The following RABGAP1L variants were observed in gnomAD, a reference collection of about 807,000 sequenced individuals.
RABGAP1L encodes rab GTPase-activating protein 1-like.
Under a neutral mutation model 137.7 loss-of-function variants are expected in RABGAP1L, and 63 were observed. That is an observed-to-expected ratio of 0.46 (90% confidence interval 0.37 to 0.56). RABGAP1L has a LOEUF of 0.56. RABGAP1L is among the 20% of genes least tolerant of loss of function. The pLI is 0.00. For synonymous variants in RABGAP1L, 431 were observed against 433.7 expected, an observed-to-expected ratio of 0.99 and a Z score of 0.08; for missense variants, 1,095 against 1,244.0, an observed-to-expected ratio of 0.88 and a Z score of 1.80.
chr1:174,598,821 A>C (rs1020450818), intron 13 of RABGAP1L, among the ~76,000 whole-genome samples: 3 of 152,004 alleles, frequency 2.0e-5, no homozygotes, highest in Non-Finnish European at 4.4e-5. Context: ...TGTAGCCAAA[A>C]GATCATTGGG....
At chr1:174,411,535 C>A (rs1410027610) in intron 13 of RABGAP1L, among the ~76,000 whole-genome samples, 1 of 151,772 alleles carries the variant, frequency 6.6e-6, no homozygotes, top group Non-Finnish European at 1.5e-5. Flanking sequence ...TGTGTTCAAT[C>A]AAATTTATTA....
At chr1:174,435,899 T>C (rs1053798483) in intron 13 of RABGAP1L, among the ~76,000 whole-genome samples, 4 of 151,014 alleles carry the variant, frequency 2.6e-5, no homozygotes, top group Non-Finnish European at 5.9e-5. Flanking sequence ...AGTGAAAACA[T>C]GCAGTGTTTG....
At chr1:174,603,946 C>G (rs1335769683) in intron 13 of RABGAP1L, among the ~76,000 whole-genome samples, 1 of 144,698 alleles carries the variant, frequency 6.9e-6, no homozygotes, top group Non-Finnish European at 1.6e-5. Flanking sequence ...TTTTTACTCT[C>G]CCCTCTCCTC....
chr1:174,855,619 T>G (rs1440806077), intron 19 of RABGAP1L, among the ~76,000 whole-genome samples: 1 of 152,198 alleles, frequency 6.6e-6, no homozygotes, highest in Non-Finnish European at 1.5e-5. Context: ...ATAGGATCCT[T>G]AAGTAAGCAT....
At chr1:174,656,142 C>T (rs1675952721) in intron 14 of RABGAP1L, among the ~76,000 whole-genome samples, 1 of 152,076 alleles carries the variant, frequency 6.6e-6, no homozygotes, top group Non-Finnish European at 1.5e-5. Context: ...ACATAATTCA[C>T]ATAACATTCA....
intron 13 of RABGAP1L, among the ~76,000 whole-genome samples, chr1:174,596,464 A>G (rs1475566569): frequency 6.6e-6 from 1 of 152,110 alleles, no homozygotes; most frequent in Non-Finnish European, 1.5e-5. Flanking sequence ...TAGATAATTT[A>G]TTTGTAGCTG....
rs149895860 is a variant in RABGAP1L at position 174,853,000 on chromosome 1, A to G, written c.2340+41040A>G. Among the ~76,000 whole-genome samples, 153 of 152,186 alleles carry G rather than the reference A, an allele frequency of 1.0e-3. 1 individual carries two copies. Among genetic ancestry groups the G allele is most frequent in the Admixed American group, 8.6e-3 (132 of 15,276 alleles). On this transcript the variant is annotated intron_variant, in intron 19 of 25. Coordinates refer to ENST00000681986, the MANE Select transcript of RABGAP1L (RefSeq NM_001366446.1). ...GTTTGTTATTTATCTTTAGGAAATGAAATTAAATATTTTGCTTTGTTTTGT... is the reference window on the plus strand; with the variant it reads ...GTTTGTTATTTATCTTTAGGAAATGGAATTAAATATTTTGCTTTGTTTTGT...
intron 11 of RABGAP1L, among the ~76,000 whole-genome samples, chr1:174,351,792 TTTTGTTTTG>T (rs778137849): frequency 6.7e-6 from 1 of 150,038 alleles, no homozygotes; most frequent in African/African-American, 2.5e-5. Flanking sequence ...TGTGTGTTTT[TTTTGTTTTG>T]TTTTGTTTTG....
chr1:174,393,667 T>C (rs1469974012), intron 12 of RABGAP1L, among the ~76,000 whole-genome samples: 1 of 152,226 alleles, frequency 6.6e-6, no homozygotes, highest in Non-Finnish European at 1.5e-5. Context: ...ATGGTTCTTT[T>C]TATGCCTTGA....
At chr1:174,394,839 T>C (rs1468647254) in intron 13 of RABGAP1L, among the ~76,000 whole-genome samples, 5 of 152,124 alleles carry the variant, frequency 3.3e-5, no homozygotes, top group Admixed American at 3.3e-4. Context: ...ATATGAACTT[T>C]TAGAACTTTT....
At chr1:174,937,318 C>T (rs1204604791) in intron 19 of RABGAP1L, among the ~76,000 whole-genome samples, 1 of 132,756 alleles carries the variant, frequency 7.5e-6, no homozygotes, top group Non-Finnish European at 1.6e-5. Context: ...GAGTTTTGCT[C>T]TTGTTGCCCA....
intron 1 of RABGAP1L, among the ~76,000 whole-genome samples, chr1:174,191,887 A>G (rs1667235467): frequency 6.6e-6 from 1 of 152,228 alleles, no homozygotes; most frequent in African/African-American, 2.4e-5. Context: ...GCAAAGGTCT[A>G]GAAATACATC....
At chr1:174,247,157 C>A (rs1237298239) in intron 5 of RABGAP1L, among the ~76,000 whole-genome samples, 1 of 151,864 alleles carries the variant, frequency 6.6e-6, no homozygotes, top group Non-Finnish European at 1.5e-5. Flanking sequence ...TTTGATATGG[C>A]CTTCTGATGT....
chr1:174,940,099 A>G (rs1230884908), intron 19 of RABGAP1L, among the ~76,000 whole-genome samples: 1 of 152,186 alleles, frequency 6.6e-6, no homozygotes, highest in Admixed American at 6.5e-5. Context: ...GCCATATGTG[A>G]TTATTACATG....
chr1:174,219,021 C>G (rs1222029267), intron 1 of RABGAP1L, 104 bp from the exon 2 acceptor site: 12 of 890,512 alleles, frequency 1.3e-5, no homozygotes, highest in Non-Finnish European at 2.0e-5. Context: ...CAGCAGGATT[C>G]TTCTTCACAT....
intron 14 of RABGAP1L, among the ~76,000 whole-genome samples, chr1:174,654,716 G>C (rs1025381371): frequency 5.9e-5 from 9 of 152,046 alleles, no homozygotes; most frequent in African/African-American, 2.2e-4. Context: ...TGTTGCCAAA[G>C]GGCTTTTTTT....
chr1:174,712,140 G>GTCTGTAAAACGGACCAATCAGCTC (rs1680581726), intron 17 of RABGAP1L, among the ~76,000 whole-genome samples: 1 of 152,184 alleles, frequency 6.6e-6, no homozygotes, highest in East Asian at 1.9e-4. Context: ...CCAATCAGCT[G>GTCTGTAAAACGGACCAATCAGCTC]TCTGTAAAAC....
chr1:174,628,253 A>T (rs567202254), intron 13 of RABGAP1L, among the ~76,000 whole-genome samples: 4 of 152,310 alleles, frequency 2.6e-5, no homozygotes, highest in African/African-American at 9.6e-5. Context: ...AATTAAACAG[A>T]GTGTGTGTGC....
chr1:174,497,656 C>T (rs1660865075), intron 13 of RABGAP1L, among the ~76,000 whole-genome samples: 1 of 152,150 alleles, frequency 6.6e-6, no homozygotes, highest in Non-Finnish European at 1.5e-5. Context: ...TCTTTCCCTC[C>T]CACTCTTTGC....
Sources: gnomAD v4.1 joint callset for allele counts (sites outside exome capture counted in the v4.1 genomes callset) on GRCh38, gnomAD v4.1.1 for gene constraint, MANE v1.5 for transcripts, NCBI Gene and HGNC (gene_info 2026-07-23, HGNC 2026-07-21) for gene names.